The following DCAF15 variants were observed in gnomAD, a reference collection of about 807,000 sequenced individuals.
DCAF15 encodes the protein DDB1- and CUL4-associated factor 15.
Under a neutral mutation model 68.0 loss-of-function variants are expected in DCAF15, and 24 were observed. That is an observed-to-expected ratio of 0.35 (90% CI 0.26 to 0.50). The LOEUF is 0.50. Ranked by LOEUF, DCAF15 falls within the 20% of genes least tolerant of loss-of-function variation. The pLI is 0.98. For missense variants in DCAF15, 627 were observed against 830.6 expected (o/e 0.75, Z 3.01); for synonymous variants, 376 against 341.6 (o/e 1.10, Z -1.11).
At chr19:13,960,245 C>A in intron 10 of DCAF15, 42 bp from the exon 11 acceptor site, 1 of 1,599,894 alleles carries the variant, frequency 6.3e-7, no homozygotes, top group South Asian at 1.1e-5. Context: ...GTTCAGGAGC[C>A]CGGCTGTCCC....
intron 1 of DCAF15, chr19:13,953,259 C>G (rs1482208169): frequency 1.3e-5 from 13 of 965,360 alleles, no homozygotes; most frequent in Non-Finnish European, 1.6e-5. Context: ...ATGTCTCTCT[C>G]CCCCATCAGT....
intron 1 of DCAF15, chr19:13,953,090 G>A (rs750691439): frequency 5.8e-6 from 9 of 1,550,482 alleles, no homozygotes; most frequent in Non-Finnish European, 7.9e-6. Context: ...CCCAAGCCCC[G>A]ACCACACATG....
At position 13,956,525 on chromosome 19, in the gene DCAF15, A is replaced by G. The variant is rs1197727981; in HGVS notation, c.784+3A>G. The G allele has an allele frequency of 1.2e-6, 2 of 1,612,698 alleles. No individual in the cohort carries two copies. The highest frequency in any genetic ancestry group is 1.7e-5 in the Admixed American group (1 of 60,008). Reference sequence around the variant, plus strand: ...CGCCGTCTCCGTCCACTCGGCAGGTAGGCCCTGCGGTCTCGTGGCCACCCG... The same window carrying G: ...CGCCGTCTCCGTCCACTCGGCAGGTGGGCCCTGCGGTCTCGTGGCCACCCG... On this transcript the variant is annotated splice_donor_region_variant and intron_variant, in intron 6 of 12. Coordinates refer to ENST00000254337, the MANE Select transcript of DCAF15 (RefSeq NM_138353.4).
At chr19:13,956,840 C>A (rs1165598444) in intron 6 of DCAF15, among the ~76,000 whole-genome samples, 1 of 152,254 alleles carries the variant, frequency 6.6e-6, no homozygotes, top group Non-Finnish European at 1.5e-5. Flanking sequence ...TGGCTCACTG[C>A]AACCTCCCAG....
chr19:13,956,830 T>C (rs1338648021), intron 6 of DCAF15, among the ~76,000 whole-genome samples: 2 of 152,228 alleles, frequency 1.3e-5, no homozygotes, highest in Non-Finnish European at 2.9e-5. Context: ...GGTGCGATCT[T>C]GGCTCACTGC....
At chr19:13,958,668 A>G (rs1599462656) in intron 6 of DCAF15, among the ~76,000 whole-genome samples, 1 of 152,228 alleles carries the variant, frequency 6.6e-6, no homozygotes, top group Non-Finnish European at 1.5e-5. Context: ...GAGAAACGCC[A>G]GTGAAAATCA....
Position 13,961,196 on chromosome 19 carries a change from G to A in DCAF15, c.*201G>A, listed in dbSNP as rs1973622359. On this transcript the variant is annotated 3_prime_UTR_variant, in exon 13 of 13. Coordinates refer to ENST00000254337, the MANE Select transcript of DCAF15 (RefSeq NM_138353.4). ...TTTTATTTATGCCTATTTAAGTTGG[G>A]AAGGGGCAGAGAGAGGGCGCCCCCT... 2 of 646,698 alleles carry A rather than the reference G, an allele frequency of 3.1e-6. No homozygotes were observed. The highest frequency in any genetic ancestry group is 5.3e-6 in the Non-Finnish European group (2 of 375,560). 40.1% of individuals were successfully genotyped at this position (646,698 alleles called of 1,614,324 possible).
chr19:13,960,183 C>G, intron 10 of DCAF15, 104 bp from the exon 11 acceptor site: 1 of 1,559,694 alleles, frequency 6.4e-7, no homozygotes, highest in Non-Finnish European at 8.8e-7. Context: ...CTGGCTGGGC[C>G]CCTCCATAGC....
In DCAF15 at chr19:13,956,304, C is replaced by A. The variant is rs73924871; in HGVS notation, c.613+42C>A. On this transcript the variant is annotated intron_variant, in intron 5 of 12. Transcript: ENST00000254337. ...GGCGAGGGCCTCTTCCCCCCTCCCC[C>A]CCTTGCTCCGGGCCGAGAGTGAGCT... 9,727 of 1,611,788 alleles carry A rather than the reference C, an allele frequency of 6.0e-3. 50 individuals carry two copies. The highest frequency in any genetic ancestry group is 0.021 in the African/African-American group (1,573 of 75,018).
chr19:13,960,333 A>G lies in DCAF15; in HGVS notation c.1573A>G (p.Thr525Ala), dbSNP rs1973565646. ...CCTCAAGGTGGCATGGGACCTCAAC[A>G]CAGGGATCTTCGAGACAGTCAGTGT... is the stretch of plus-strand genomic sequence containing the variant. ...TSLKVAWDLN[T>A]GIFETVSVGD... is the part of the protein sequence containing the mutation. Residue 525 changes from threonine (T) to alanine (A), a missense_variant, in exon 11 of 13, where the codon ACA becomes GCA. Coordinates refer to ENST00000254337, the MANE Select transcript of DCAF15 (RefSeq NM_138353.4). The G allele has an allele frequency of 3.7e-6, 6 of 1,613,966 alleles. No homozygotes were observed. The highest frequency in any genetic ancestry group is 5.1e-6 in the Non-Finnish European group (6 of 1,180,032).
At chr19:13,960,241 G>A (rs1012393169) in intron 10 of DCAF15, 46 bp from the exon 11 acceptor site, 3 of 1,598,128 alleles carry the variant, frequency 1.9e-6, no homozygotes, top group African/African-American at 2.7e-5. Context: ...CCTGGTTCAG[G>A]AGCCCGGCTG....
rs777595541 is a variant in DCAF15 at position 13,960,434 on chromosome 19, G to A, written c.1632-31G>A. 42 of 1,612,202 alleles carry A rather than the reference G, an allele frequency of 2.6e-5. No individual in the cohort carries two copies. The African/African-American group carries it at 3.7e-4, about 14-fold the overall frequency. Reference sequence around the variant, plus strand: ...GGCAGGGTCAGGGCGCGGCCAAGGCGACGAGAGCCACTCACCCCCTGGCCC... The same window carrying A: ...GGCAGGGTCAGGGCGCGGCCAAGGCAACGAGAGCCACTCACCCCCTGGCCC... On this transcript the variant is annotated intron_variant, in intron 11 of 12. Transcript: ENST00000254337.
intron 1 of DCAF15, chr19:13,952,952 G>A (rs1973141911): frequency 1.5e-5 from 14 of 925,830 alleles, no homozygotes; most frequent in Non-Finnish European, 2.2e-5. Flanking sequence ...AGAATCAGGA[G>A]GAAGGGGGCG....
At chr19:13,960,694 G>A in intron 12 of DCAF15, 114 bp downstream of exon 12, 1 of 1,148,230 alleles carries the variant, frequency 8.7e-7, no homozygotes, top group Non-Finnish European at 1.2e-6. Context: ...GGAGAGGGCA[G>A]CCCAGGCCAG....
At chr19:13,953,260 C>T (rs1973172132) in intron 1 of DCAF15, 10 of 966,014 alleles carry the variant, frequency 1.0e-5, no homozygotes, top group Non-Finnish European at 1.5e-5. Context: ...TGTCTCTCTC[C>T]CCCATCAGTT....
At chr19:13,955,820 AG>A in intron 3 of DCAF15, 91 bp from the exon 4 acceptor site, 2 of 1,344,184 alleles carry the variant, frequency 1.5e-6, no homozygotes, top group African/African-American at 2.9e-5. Context: ...CTACCCGCTC[AG>A]CCCCAGCCCT....
At position 13,952,537 on chromosome 19, in the gene DCAF15, C is replaced by G; in HGVS notation, c.25C>G (p.Arg9Gly). Residue 9 changes from arginine to glycine, a missense_variant, in exon 1 of 13, where the codon CGG becomes GGG. Around this residue, in one of 3 missense-constraint regions of DCAF15, gnomAD observed 273 missense variants for 393.7 expected, o/e 0.69. Transcript: ENST00000254337. MAPSSKSE[R>G]NSGAGSGGGG... Reference sequence around the variant, plus strand: ...AATGGCGCCCAGCTCGAAATCGGAGCGGAACAGCGGGGCTGGGAGCGGCGG... The same window carrying G: ...AATGGCGCCCAGCTCGAAATCGGAGGGGAACAGCGGGGCTGGGAGCGGCGG... 8.0e-7 allele frequency: 1 copy of G among 1,251,346 alleles called. No homozygotes were observed. Among genetic ancestry groups the G allele is most frequent in the Non-Finnish European group, 1.0e-6 (1 of 991,462 alleles). 77.5% of individuals were successfully genotyped at this position (1,251,346 alleles called of 1,614,324 possible).
Position 13,959,185 on chromosome 19 carries a change from G to A in DCAF15, c.925G>A (p.Gly309Arg). ...CPEAAPARSS[G>R]SPEPSPAIAK... Reference sequence around the variant, plus strand: ...TGAGGCGGCCCCAGCCCGTTCTTCTGGGTCTCCTGAGCCCTCGCCCGCCAT... The same window carrying A: ...TGAGGCGGCCCCAGCCCGTTCTTCTAGGTCTCCTGAGCCCTCGCCCGCCAT... The change falls in exon 7 of 13, where the codon GGG (glycine) becomes AGG (arginine). Residue 309 changes from glycine (G) to arginine (R), a missense_variant. Physicochemically the swap from Gly to Arg is moderately radical, Grantham distance 125. Transcript: ENST00000254337. 1 of 1,612,686 alleles carries A rather than the reference G, an allele frequency of 6.2e-7. No homozygotes were observed. The highest frequency in any genetic ancestry group is 8.5e-7 in the Non-Finnish European group (1 of 1,179,890).
intron 9 of DCAF15, 32 bp downstream of exon 9, chr19:13,959,927 G>GCGGGCAGGGTGGGCCCAGGT: frequency 6.2e-7 from 1 of 1,613,650 alleles, no homozygotes; most frequent in Non-Finnish European, 8.5e-7. Flanking sequence ...TGGGCCCAGG[G>GCGGGCAGGGTGGGCCCAGGT]CCTCCTGTAC....
Sources: gnomAD v4.1 joint callset for allele counts (sites outside exome capture counted in the v4.1 genomes callset) on GRCh38, gnomAD v4.1.1 for gene constraint, gnomAD v4.1.1 regional missense constraint, MANE v1.5 for transcripts, NCBI Gene and HGNC (gene_info 2026-07-23, HGNC 2026-07-21) for gene names.